SMYD3: variants seen among roughly 807,000 people sequenced by gnomAD.
SMYD3 encodes the protein histone-lysine N-methyltransferase SMYD3.
SMYD3 carries 36 observed loss-of-function variants against 57.7 expected under a neutral mutation model. The observed-to-expected ratio is 0.62, with a 90% CI of 0.48 to 0.82. The LOEUF (loss-of-function observed/expected upper bound fraction) is 0.82, where lower values mean the gene tolerates loss of function less well. Ranked by LOEUF, SMYD3 falls within the 40% of genes least tolerant of loss-of-function variation. The probability of loss-of-function intolerance (pLI) is 0.00; values close to 1 mark genes in which losing one functional copy is unlikely to be tolerated. For missense variants in SMYD3, 515 were observed against 538.8 expected, an observed-to-expected ratio of 0.96 and a Z score of 0.44; for synonymous variants, 211 against 195.0, an observed-to-expected ratio of 1.08 and a Z score of -0.68.
chr1:246,138,437 T>TTTA (rs1558261001), intron 5 of SMYD3, among the ~76,000 whole-genome samples: 62 of 139,210 alleles, frequency 4.5e-4, no homozygotes, highest in African/African-American at 1.4e-3. Context: ...TTATTTATTT[T>TTTA]TTTTCTGAGA....
At chr1:246,002,098 A>G (rs1160614146) in intron 5 of SMYD3, among the ~76,000 whole-genome samples, 1 of 152,158 alleles carries the variant, frequency 6.6e-6, no homozygotes, top group Non-Finnish European at 1.5e-5. Context: ...TGCCAAATTC[A>G]CTGCAGGAAC....
chr1:246,182,475 G>A (rs986718947), intron 5 of SMYD3, among the ~76,000 whole-genome samples: 1 of 152,198 alleles, frequency 6.6e-6, no homozygotes, highest in East Asian at 1.9e-4. Flanking sequence ...AAGTGATAAC[G>A]TCACAGGCTC....
At chr1:246,233,186 G>A (rs868244500) in intron 5 of SMYD3, among the ~76,000 whole-genome samples, 4 of 108,928 alleles carry the variant, frequency 3.7e-5, no homozygotes, top group African/African-American at 6.8e-5. Flanking sequence ...ATACCACACA[G>A]AGGAGAAGCA....
chr1:246,471,042 G>A (rs1184178255), intron 1 of SMYD3, among the ~76,000 whole-genome samples: 1 of 152,006 alleles, frequency 6.6e-6, no homozygotes, highest in Non-Finnish European at 1.5e-5. Context: ...ATATGATAAA[G>A]CCAATAGAGC....
chr1:246,058,882 CT>C (rs545692737), intron 5 of SMYD3, among the ~76,000 whole-genome samples: 164 of 142,844 alleles, frequency 1.1e-3, no homozygotes, highest in Non-Finnish European at 1.0e-3. Flanking sequence ...ATCCACATTT[CT>C]TTTTTTTTTT....
chr1:246,379,740 C>T lies in SMYD3; in HGVS notation c.165-24646G>A, dbSNP rs147508372. 9.4e-3 allele frequency among the ~76,000 whole-genome samples: 1,430 copies of T among 152,320 alleles called. 26 individuals carry two copies. Among genetic ancestry groups the T allele is most frequent in the African/African-American group, 0.032 (1,327 of 41,572 alleles). The stretch of plus-strand genomic sequence containing the variant: ...AAAGGCCGGGTATGGTGGCTCACGC[C>T]TGTAATCCCAGCACTTTGGGAGGCC... On this transcript the variant is annotated intron_variant, in intron 1 of 11. Transcript: ENST00000490107.
At chr1:246,034,866 C>A (rs2148274734) in intron 5 of SMYD3, among the ~76,000 whole-genome samples, 1 of 152,280 alleles carries the variant, frequency 6.6e-6, no homozygotes, top group Admixed American at 6.5e-5. Flanking sequence ...CCCCTGCTGC[C>A]AGATCCCTGC....
At chr1:246,227,742 A>T (rs1011127492) in intron 5 of SMYD3, among the ~76,000 whole-genome samples, 1 of 152,146 alleles carries the variant, frequency 6.6e-6, no homozygotes, top group African/African-American at 2.4e-5. Flanking sequence ...TCTTATTAAC[A>T]GTTTGAACTT....
chr1:246,469,967 C>G (rs2067935286), intron 1 of SMYD3, among the ~76,000 whole-genome samples: 1 of 152,198 alleles, frequency 6.6e-6, no homozygotes, highest in Admixed American at 6.5e-5. Flanking sequence ...CAGAACAACA[C>G]AGTATCACAC....
chr1:246,062,919 A>G (rs560734381), intron 5 of SMYD3, among the ~76,000 whole-genome samples: 1 of 152,348 alleles, frequency 6.6e-6, no homozygotes, highest in Admixed American at 6.5e-5. Context: ...GTAAAGCAAT[A>G]TAAGTGACTA....
At chr1:246,415,885 C>T (rs774754306) in intron 1 of SMYD3, among the ~76,000 whole-genome samples, 1 of 152,182 alleles carries the variant, frequency 6.6e-6, no homozygotes, top group South Asian at 2.1e-4. Context: ...TCTGGTTGCA[C>T]TGTTTAATTC....
intron 5 of SMYD3, among the ~76,000 whole-genome samples, chr1:246,083,183 T>C (rs1338941948): frequency 6.6e-6 from 1 of 151,632 alleles, no homozygotes; most frequent in Non-Finnish European, 1.5e-5. Context: ...GGCATCTGTC[T>C]CCTGCTCGTC....
In SMYD3 at chr1:245,959,443, T is replaced by C. The variant is rs139937513; in HGVS notation, c.532-29506A>G. Among the ~76,000 whole-genome samples the C allele has an allele frequency of 1.4e-4, 22 of 152,366 alleles. No homozygotes were observed. The East Asian group carries it at 4.2e-3, about 29-fold the overall frequency. ...TATCATAGTTAGAAAACCTGGGTTC[T>C]GGCTCTGACTTGGTTGTGTGATTTT... On this transcript the variant is annotated intron_variant, in intron 5 of 11. Coordinates refer to ENST00000490107, the MANE Select transcript of SMYD3 (RefSeq NM_001167740.2).
intron 1 of SMYD3, among the ~76,000 whole-genome samples, chr1:246,487,079 G>A (rs1490754046): frequency 2.0e-5 from 3 of 152,130 alleles, no homozygotes; most frequent in Non-Finnish European, 4.4e-5. Flanking sequence ...AGACATTGAC[G>A]GTACAAGACA....
At chr1:246,503,059 A>C (rs2068481680) in intron 1 of SMYD3, among the ~76,000 whole-genome samples, 1 of 152,146 alleles carries the variant, frequency 6.6e-6, no homozygotes, top group South Asian at 2.1e-4. Flanking sequence ...GAGCAGAGCA[A>C]AAGGCCTTCT....
At chr1:246,077,285 CT>C (rs2060564948) in intron 5 of SMYD3, among the ~76,000 whole-genome samples, 1 of 152,140 alleles carries the variant, frequency 6.6e-6, no homozygotes, top group South Asian at 2.1e-4. Flanking sequence ...AATAAACAGC[CT>C]TTGGAAGTAT....
At chr1:246,064,346 T>A (rs1288364783) in intron 5 of SMYD3, among the ~76,000 whole-genome samples, 3 of 152,228 alleles carry the variant, frequency 2.0e-5, no homozygotes, top group Non-Finnish European at 4.4e-5. Context: ...TTGTACTCTC[T>A]GTTCTAGTCA....
intron 7 of SMYD3, among the ~76,000 whole-genome samples, chr1:245,921,572 C>CATACAT (rs59746333): frequency 1.4e-5 from 2 of 139,908 alleles, no homozygotes; most frequent in South Asian, 5.1e-4. Context: ...TATATATATA[C>CATACAT]ACATACCATG....
At chr1:246,348,259 T>C (rs1043744097) in intron 2 of SMYD3, among the ~76,000 whole-genome samples, 3 of 151,240 alleles carry the variant, frequency 2.0e-5, no homozygotes, top group South Asian at 2.1e-4. Context: ...CTACTAAAAA[T>C]ACAAAAATTA....
Sources: gnomAD v4.1 joint callset for allele counts (sites outside exome capture counted in the v4.1 genomes callset) on GRCh38, gnomAD v4.1.1 for gene constraint, MANE v1.5 for transcripts, NCBI Gene and HGNC (gene_info 2026-07-23, HGNC 2026-07-21) for gene names.